SLC10A7: variants seen among roughly 807,000 people sequenced by gnomAD.
SLC10A7 encodes the protein sodium/bile acid cotransporter 7.
Under a neutral mutation model 43.2 loss-of-function variants are expected in SLC10A7, and 29 were observed. The observed-to-expected ratio is 0.67, with a 90% CI of 0.50 to 0.92. The LOEUF (loss-of-function observed/expected upper bound fraction) is 0.92. Ranked by LOEUF, SLC10A7 falls within the 40% of genes least tolerant of loss-of-function variation. The probability of loss-of-function intolerance (pLI) is 0.00; values close to 1 mark genes in which losing one functional copy is unlikely to be tolerated. For missense variants in SLC10A7, 295 were observed against 403.2 expected, an observed-to-expected ratio of 0.73 and a Z score of 2.30; for synonymous variants, 152 against 144.8, an observed-to-expected ratio of 1.05 and a Z score of -0.35.
chr4:146,478,749 C>CT (rs1734233004), intron 4 of SLC10A7, among the ~76,000 whole-genome samples: 2 of 152,094 alleles, frequency 1.3e-5, no homozygotes, highest in Non-Finnish European at 2.9e-5. Context: ...TACTAATCTA[C>CT]TAAAAAGGTT....
At chr4:146,268,458 A>G (rs932253092) in intron 10 of SLC10A7, among the ~76,000 whole-genome samples, 1 of 152,160 alleles carries the variant, frequency 6.6e-6, no homozygotes, top group African/African-American at 2.4e-5. Flanking sequence ...AGCATTATTC[A>G]TGTTCTAGTT....
At chr4:146,358,362 GT>G (rs1735806352) in intron 5 of SLC10A7, among the ~76,000 whole-genome samples, 1 of 152,054 alleles carries the variant, frequency 6.6e-6, no homozygotes, top group Admixed American at 6.6e-5. Context: ...AGAAACTGAA[GT>G]TTTGGCATTA....
chr4:146,472,916 A>C (rs1235248775), intron 4 of SLC10A7, among the ~76,000 whole-genome samples: 3 of 152,188 alleles, frequency 2.0e-5, no homozygotes, highest in Non-Finnish European at 1.5e-5. Flanking sequence ...GTAGGTAGGA[A>C]TGAGACTGAA....
chr4:146,383,988 G>A (rs1737815540), intron 5 of SLC10A7, among the ~76,000 whole-genome samples: 1 of 152,082 alleles, frequency 6.6e-6, no homozygotes, highest in South Asian at 2.1e-4. Context: ...TAATTTAGGG[G>A]AAGTCGTTTC....
chr4:146,455,357 A>G lies in SLC10A7; in HGVS notation c.397-12536T>C, dbSNP rs1302847619. The stretch of plus-strand genomic sequence containing the variant: ...TATTTAATACCAACACATTGAACTA[A>G]GCTCTCAGCACACTGAGAGAGGAAT... On this transcript the variant is annotated intron_variant, in intron 4 of 11. Transcript: ENST00000335472. Among the ~76,000 whole-genome samples the G allele has an allele frequency of 3.3e-5, 5 of 152,002 alleles. No individual in the cohort carries two copies. In the East Asian group the frequency reaches 9.7e-4, roughly 29 times the overall value.
At chr4:146,269,091 T>A (rs757851006) in intron 10 of SLC10A7, among the ~76,000 whole-genome samples, 17 of 152,218 alleles carry the variant, frequency 1.1e-4, no homozygotes, top group Non-Finnish European at 2.2e-4. Context: ...TGTAACCCCA[T>A]CACTTTGCTG....
At chr4:146,339,428 T>C (rs1734102982) in intron 5 of SLC10A7, among the ~76,000 whole-genome samples, 1 of 151,998 alleles carries the variant, frequency 6.6e-6, no homozygotes, top group Non-Finnish European at 1.5e-5. Context: ...CTCTGGTTTT[T>C]ATAATATTCC....
chr4:146,356,047 A>ATAT (rs1553961375), intron 5 of SLC10A7, among the ~76,000 whole-genome samples: 50 of 123,452 alleles, frequency 4.1e-4, no homozygotes, highest in Admixed American at 1.4e-3. Context: ...AATAAAAAAA[A>ATAT]AAAAATATAT....
intron 4 of SLC10A7, among the ~76,000 whole-genome samples, chr4:146,457,846 C>G (rs1160315912): frequency 6.6e-6 from 1 of 151,878 alleles, no homozygotes; most frequent in Admixed American, 6.6e-5. Flanking sequence ...TAGTTAAAAA[C>G]TTTCCCAAAA....
rs1378827827 is a variant in SLC10A7, at chr4:146,521,741, G to T, written c.-24C>A. On this transcript the variant is annotated 5_prime_UTR_variant, in exon 1 of 12. Transcript: ENST00000335472. ...ATATTTGTTAGGGTGGGTGGGTTTT[G>T]TTTATTTGTTTGGCTTTTTTTCTTT... 2.5e-6 allele frequency: 4 copies of T among 1,593,836 alleles called. No homozygotes were observed. Among genetic ancestry groups the T allele is most frequent in the Non-Finnish European group, 3.4e-6 (4 of 1,162,588 alleles).
intron 9 of SLC10A7, among the ~76,000 whole-genome samples, chr4:146,292,069 T>G (rs370014255): frequency 6.6e-6 from 1 of 152,138 alleles, no homozygotes; most frequent in Non-Finnish European, 1.5e-5. Flanking sequence ...TGAGAAAGCA[T>G]GAGGTCTTTC....
At chr4:146,353,407 C>T (rs1044181575) in intron 5 of SLC10A7, among the ~76,000 whole-genome samples, 1 of 142,226 alleles carries the variant, frequency 7.0e-6, no homozygotes, top group African/African-American at 2.7e-5. Flanking sequence ...AGTTTACCAA[C>T]CAAAAAGATT....
At chr4:146,454,494 T>A (rs1308785893) in intron 4 of SLC10A7, among the ~76,000 whole-genome samples, 1 of 151,894 alleles carries the variant, frequency 6.6e-6, no homozygotes, top group Non-Finnish European at 1.5e-5. Flanking sequence ...CTCTATTACA[T>A]CCACACTGTC....
chr4:146,341,058 CTT>C (rs1034797676), intron 5 of SLC10A7, among the ~76,000 whole-genome samples: 1 of 151,762 alleles, frequency 6.6e-6, no homozygotes, highest in African/African-American at 2.4e-5. Flanking sequence ...AACAATATAA[CTT>C]ATGCTTATGA....
chr4:146,492,469 A>G (rs536267519), intron 4 of SLC10A7, among the ~76,000 whole-genome samples: 1 of 152,012 alleles, frequency 6.6e-6, no homozygotes, highest in East Asian at 1.9e-4. Context: ...CCAGGCACAA[A>G]CGACCCTCCC....
At chr4:146,471,672 G>C (rs59396387) in intron 4 of SLC10A7, among the ~76,000 whole-genome samples, 7,372 of 152,246 alleles carry the variant, frequency 0.048, 254 homozygotes, top group South Asian at 0.18. Context: ...CATTTAATGA[G>C]TAGTTACTCT....
chr4:146,391,967 G>T (rs1738464027), intron 5 of SLC10A7, among the ~76,000 whole-genome samples: 1 of 152,172 alleles, frequency 6.6e-6, no homozygotes, highest in South Asian at 2.1e-4. Context: ...AAGAGATAAA[G>T]TTTGCCATCA....
At chr4:146,450,242 CT>C (rs964903133) in intron 4 of SLC10A7, among the ~76,000 whole-genome samples, 12 of 152,098 alleles carry the variant, frequency 7.9e-5, no homozygotes, top group African/African-American at 2.2e-4. Flanking sequence ...TGTGTACATA[CT>C]TTTTTTCTTG....
At chr4:146,521,555 A>G (rs568832080) in intron 1 of SLC10A7, 63 bp downstream of exon 1, 5 of 1,426,262 alleles carry the variant, frequency 3.5e-6, no homozygotes, top group Non-Finnish European at 4.9e-6. Context: ...CCACCTTTCC[A>G]AGACTCACAA....
Sources: allele counts gnomAD v4.1 joint callset (sites outside exome capture counted in the v4.1 genomes callset), GRCh38; gene constraint gnomAD v4.1.1; transcripts MANE v1.5; gene names NCBI Gene and HGNC (gene_info 2026-07-23, HGNC 2026-07-21).